FARP1: variants seen among roughly 807,000 people sequenced by gnomAD.
FARP1 encodes the protein FERM, ARH/RhoGEF and pleckstrin domain protein 1.
A neutral mutation model predicts 128.8 loss-of-function variants in FARP1; 52 were observed. The observed-to-expected ratio is 0.40, with a 90% CI of 0.32 to 0.51. FARP1 has a LOEUF of 0.51. Among genes scored for constraint, FARP1 ranks in the 20% least tolerant of loss-of-function variants. The pLI is 0.45. For synonymous variants in FARP1, 580 were observed against 551.8 expected, an observed-to-expected ratio of 1.05 and a Z score of -0.72; for missense variants, 1,333 against 1,367.9, an observed-to-expected ratio of 0.97 and a Z score of 0.40.
intron 2 of FARP1, among the ~76,000 whole-genome samples, chr13:98,264,447 G>A (rs186338656): frequency 7.9e-4 from 121 of 152,216 alleles, no homozygotes; most frequent in Non-Finnish European, 1.2e-3. Context: ...CGTGCTCCCC[G>A]TCCGCCAGTC....
chr13:98,174,810 A>T (rs1029079537), intron 1 of FARP1, among the ~76,000 whole-genome samples: 4 of 152,182 alleles, frequency 2.6e-5, no homozygotes, highest in African/African-American at 4.8e-5. Context: ...CAACCCTGTG[A>T]GATACTACTA....
chr13:98,379,216 T>TCTATATATAATATATATA (rs1889791722), intron 6 of FARP1, among the ~76,000 whole-genome samples: 7 of 117,994 alleles, frequency 5.9e-5, no homozygotes, highest in African/African-American at 2.4e-4. Flanking sequence ...TAATATATAA[T>TCTATATATAATATATATA]ATATAATCTA....
At chr13:98,179,698 GA>G (rs530007225) in intron 1 of FARP1, among the ~76,000 whole-genome samples, 6 of 150,792 alleles carry the variant, frequency 4.0e-5, no homozygotes, top group South Asian at 4.2e-4. Flanking sequence ...ACTAAAAATA[GA>G]AAAAAAAATT....
At chr13:98,157,011 G>A (rs1876538023) in intron 1 of FARP1, among the ~76,000 whole-genome samples, 1 of 152,188 alleles carries the variant, frequency 6.6e-6, no homozygotes, top group African/African-American at 2.4e-5. Flanking sequence ...ATGCAGGAAG[G>A]ACGCTGAGAG....
intron 3 of FARP1, among the ~76,000 whole-genome samples, chr13:98,356,327 C>T (rs879645003): frequency 1.3e-5 from 2 of 152,164 alleles, no homozygotes; most frequent in Non-Finnish European, 2.9e-5. Context: ...ACGGTTGTCT[C>T]TATAGCATAT....
intron 1 of FARP1, among the ~76,000 whole-genome samples, chr13:98,198,449 G>C (rs1410157444): frequency 4.6e-5 from 7 of 152,184 alleles, no homozygotes; most frequent in Non-Finnish European, 8.8e-5. Context: ...AAAATTCATG[G>C]AGGCCAGGCG....
chr13:98,284,183 A>ATTT (rs374354092), intron 2 of FARP1, among the ~76,000 whole-genome samples: 1 of 147,940 alleles, frequency 6.8e-6, no homozygotes, highest in East Asian at 2.0e-4. Flanking sequence ...TTTTTGTGTG[A>ATTT]TTTTTTTTTT....
intron 3 of FARP1, among the ~76,000 whole-genome samples, chr13:98,349,423 G>A (rs1888312169): frequency 6.6e-6 from 1 of 152,076 alleles, no homozygotes; most frequent in South Asian, 2.1e-4. Context: ...TGTAATCCCA[G>A]CACTTTGGGA....
intron 3 of FARP1, among the ~76,000 whole-genome samples, chr13:98,344,216 C>T (rs1888086101): frequency 6.6e-6 from 1 of 152,138 alleles, no homozygotes; most frequent in Non-Finnish European, 1.5e-5. Flanking sequence ...TAGGACCAGA[C>T]TGGAGTCAAG....
intron 2 of FARP1, among the ~76,000 whole-genome samples, chr13:98,325,615 G>T (rs1380130178): frequency 2.0e-5 from 3 of 152,186 alleles, no homozygotes; most frequent in Non-Finnish European, 4.4e-5. Context: ...CCCAGAATCA[G>T]GTTCCTAAAT....
chr13:98,255,670 T>A (rs1195596501), intron 2 of FARP1, among the ~76,000 whole-genome samples: 1 of 152,246 alleles, frequency 6.6e-6, no homozygotes, highest in Non-Finnish European at 1.5e-5. Flanking sequence ...ATTTTGTTTG[T>A]CTTTTTTATA....
At chr13:98,180,715 G>A (rs1241744753) in intron 1 of FARP1, among the ~76,000 whole-genome samples, 2 of 152,040 alleles carry the variant, frequency 1.3e-5, no homozygotes, top group African/African-American at 4.8e-5. Flanking sequence ...CTCCTTTTGT[G>A]GGAATCTGCC....
chr13:98,440,274 G>A (rs751102487), intron 23 of FARP1, 39 bp downstream of exon 23: 30 of 1,422,450 alleles, frequency 2.1e-5, no homozygotes, highest in Non-Finnish European at 3.0e-5. Flanking sequence ...GCAGGGGTCT[G>A]GTTCATGGAG....
chr13:98,302,010 T>G (rs1244011042), intron 2 of FARP1, among the ~76,000 whole-genome samples: 5 of 152,220 alleles, frequency 3.3e-5, no homozygotes, highest in Admixed American at 6.5e-5. Flanking sequence ...TAAGGAATAC[T>G]TGGTGTAGAC....
chr13:98,393,762 A>C (rs747379119), intron 12 of FARP1, 44 bp downstream of exon 12: 1 of 1,444,012 alleles, frequency 6.9e-7, no homozygotes, highest in South Asian at 1.2e-5. Context: ...TTTTCCCCAC[A>C]CTTCCTCCAC....
intron 2 of FARP1, among the ~76,000 whole-genome samples, chr13:98,256,248 T>C (rs1883578435): frequency 6.6e-6 from 1 of 152,230 alleles, no homozygotes; most frequent in Non-Finnish European, 1.5e-5. Flanking sequence ...AGGGACGTTG[T>C]GCTGTATTTT....
chr13:98,181,516 A>G (rs1013894778), intron 1 of FARP1, among the ~76,000 whole-genome samples: 1 of 152,062 alleles, frequency 6.6e-6, no homozygotes, highest in Non-Finnish European at 1.5e-5. Flanking sequence ...GAAGTGATAC[A>G]TTCTCATTAT....
chr13:98,306,509 T>TTTTC (rs1430384900), intron 2 of FARP1, among the ~76,000 whole-genome samples: 4 of 151,112 alleles, frequency 2.6e-5, no homozygotes, highest in Non-Finnish European at 4.4e-5. Flanking sequence ...TTTTTTATCT[T>TTTTC]TTTCTTTCTT....
At chr13:98,147,745 C>T (rs1205301553) in intron 1 of FARP1, among the ~76,000 whole-genome samples, 1 of 151,934 alleles carries the variant, frequency 6.6e-6, no homozygotes, top group Non-Finnish European at 1.5e-5. Context: ...CAGCCTTGAC[C>T]TCTTGGGCTC....
Sources: gnomAD v4.1 joint callset for allele counts (sites outside exome capture counted in the v4.1 genomes callset) on GRCh38, gnomAD v4.1.1 for gene constraint, MANE v1.5 for transcripts, NCBI Gene and HGNC (gene_info 2026-07-23, HGNC 2026-07-21) for gene names.